The following TRPM3 variants were observed in gnomAD, a reference collection of about 807,000 sequenced individuals.
TRPM3 encodes transient receptor potential cation channel subfamily M member 3.
TRPM3 carries 77 observed loss-of-function variants against 181.2 expected under a neutral mutation model. The ratio of observed to expected loss-of-function variants is 0.42; its 90% CI spans 0.35 to 0.51. The LOEUF is 0.51. Ranked by LOEUF, TRPM3 falls within the 20% of genes least tolerant of loss-of-function variation. The pLI, the probability that TRPM3 is intolerant of heterozygous loss-of-function variation, is 0.01. For synonymous variants in TRPM3, 745 were observed against 796.4 expected, an observed-to-expected ratio of 0.94 and a Z score of 1.09; for missense variants, 1,759 against 2,196.7, an observed-to-expected ratio of 0.80 and a Z score of 3.98.
Position 70,951,972 on chromosome 9 carries a change from A to G in TRPM3, c.178-87461T>C, listed in dbSNP as rs143899542. ...ACAATAATGCAGATGAAAATGATTTAGGGGAAGAACAAGGTCAAGATGCTC... is the reference window on the plus strand; with the variant it reads ...ACAATAATGCAGATGAAAATGATTTGGGGGAAGAACAAGGTCAAGATGCTC... On this transcript the variant is annotated intron_variant, in intron 1 of 25. Transcript: ENST00000677713. Among the ~76,000 whole-genome samples, 472 of 152,300 alleles carry G rather than the reference A, an allele frequency of 3.1e-3. 3 individuals carry two copies. The highest frequency in any genetic ancestry group is 0.011 in the African/African-American group (442 of 41,574).
chr9:70,744,070 G>A (rs1034905873), intron 8 of TRPM3, among the ~76,000 whole-genome samples: 1 of 152,032 alleles, frequency 6.6e-6, no homozygotes, highest in Non-Finnish European at 1.5e-5. Context: ...AGTGGCTCAC[G>A]TAATCCCAGC....
chr9:70,772,417 A>C (rs918743382), intron 7 of TRPM3, among the ~76,000 whole-genome samples: 3 of 151,754 alleles, frequency 2.0e-5, no homozygotes, highest in African/African-American at 7.3e-5. Flanking sequence ...TCCTGGGCTC[A>C]GGTGATCCTC....
At chr9:71,382,011 A>T (rs953185968) in intron 1 of TRPM3, among the ~76,000 whole-genome samples, 1 of 152,122 alleles carries the variant, frequency 6.6e-6, no homozygotes, top group African/African-American at 2.4e-5. Context: ...GTATATGCCA[A>T]GTTAGTGTAT....
At chr9:71,442,449 A>G (rs2131679928) in intron 1 of TRPM3, among the ~76,000 whole-genome samples, 1 of 152,330 alleles carries the variant, frequency 6.6e-6, no homozygotes, top group Admixed American at 6.5e-5. Context: ...TTAAAAATAC[A>G]TACATGCTAA....
intron 1 of TRPM3, among the ~76,000 whole-genome samples, chr9:70,939,010 C>A (rs1019180862): frequency 2.6e-5 from 4 of 151,834 alleles, no homozygotes; most frequent in African/African-American, 9.7e-5. Flanking sequence ...ACATTCATTT[C>A]TTTAAAGTTC....
chr9:71,362,675 T>G (rs564301163), intron 1 of TRPM3, among the ~76,000 whole-genome samples: 8 of 152,326 alleles, frequency 5.3e-5, no homozygotes, highest in African/African-American at 1.7e-4. Context: ...CAGGTAAACC[T>G]TCTGAACATA....
chr9:70,929,109 A>C (rs1242783047), intron 1 of TRPM3, among the ~76,000 whole-genome samples: 1 of 152,190 alleles, frequency 6.6e-6, no homozygotes, highest in Non-Finnish European at 1.5e-5. Context: ...TAAATGGTGA[A>C]AAGTAGTTTC....
At chr9:71,015,079 C>A (rs1001556437) in intron 1 of TRPM3, among the ~76,000 whole-genome samples, 15 of 152,026 alleles carry the variant, frequency 9.9e-5, no homozygotes, top group African/African-American at 2.9e-4. Context: ...TTATTCTTTC[C>A]AGTTACATTT....
intron 1 of TRPM3, among the ~76,000 whole-genome samples, chr9:71,065,934 G>C (rs1050581778): frequency 6.6e-6 from 1 of 152,086 alleles, no homozygotes; most frequent in Non-Finnish European, 1.5e-5. Context: ...TAAGAGAAGA[G>C]ATCAAAAATC....
At chr9:71,110,214 T>C (rs899507269) in intron 1 of TRPM3, among the ~76,000 whole-genome samples, 1 of 152,104 alleles carries the variant, frequency 6.6e-6, no homozygotes, top group Non-Finnish European at 1.5e-5. Flanking sequence ...AATTCAAGAA[T>C]GTTAAAGGTG....
intron 8 of TRPM3, among the ~76,000 whole-genome samples, chr9:70,739,216 G>T (rs2073444799): frequency 6.6e-6 from 1 of 152,088 alleles, no homozygotes; most frequent in Non-Finnish European, 1.5e-5. Flanking sequence ...GAGCACAGAT[G>T]CAAAAATCCT....
intron 1 of TRPM3, among the ~76,000 whole-genome samples, chr9:71,216,486 G>A (rs1241253448): frequency 6.6e-6 from 1 of 152,132 alleles, no homozygotes; most frequent in African/African-American, 2.4e-5. Context: ...AAAATGTTAT[G>A]AATTTTACTT....
chr9:71,177,165 C>A (rs1318008063), intron 1 of TRPM3, among the ~76,000 whole-genome samples: 1 of 152,034 alleles, frequency 6.6e-6, no homozygotes, highest in Non-Finnish European at 1.5e-5. Context: ...GAATCTAATG[C>A]CTTGTGATCG....
At chr9:71,262,807 A>T (rs1184056030) in intron 1 of TRPM3, among the ~76,000 whole-genome samples, 2 of 151,936 alleles carry the variant, frequency 1.3e-5, no homozygotes, top group Non-Finnish European at 2.9e-5. Context: ...GGGTGAGGCA[A>T]CGCCCCAGCC....
At chr9:71,018,661 T>C (rs1188581224) in intron 1 of TRPM3, among the ~76,000 whole-genome samples, 1 of 151,850 alleles carries the variant, frequency 6.6e-6, no homozygotes, top group African/African-American at 2.4e-5. Context: ...ATTTCATCCA[T>C]AATTTAAAAT....
intron 1 of TRPM3, among the ~76,000 whole-genome samples, chr9:70,991,673 T>C (rs545761526): frequency 6.7e-6 from 1 of 149,796 alleles, no homozygotes; most frequent in Admixed American, 6.8e-5. Context: ...TAAAACAAAG[T>C]CCACCTTAAG....
At chr9:71,218,030 C>A (rs1251997803) in intron 1 of TRPM3, among the ~76,000 whole-genome samples, 5 of 152,094 alleles carry the variant, frequency 3.3e-5, no homozygotes, top group Admixed American at 2.0e-4. Context: ...TAATTTTTTC[C>A]AATAATAAGA....
intron 1 of TRPM3, among the ~76,000 whole-genome samples, chr9:71,170,953 A>T (rs998903624): frequency 6.6e-6 from 1 of 152,184 alleles, no homozygotes; most frequent in Non-Finnish European, 1.5e-5. Context: ...TGGGAGAAAC[A>T]TCGCTGAATT....
chr9:71,295,214 C>T (rs1034986972), intron 1 of TRPM3, among the ~76,000 whole-genome samples: 4 of 152,020 alleles, frequency 2.6e-5, no homozygotes, highest in African/African-American at 9.7e-5. Flanking sequence ...ATGCAAATAA[C>T]ATGAAGCTCA....
Sources: gnomAD v4.1 joint callset for allele counts (sites outside exome capture counted in the v4.1 genomes callset) on GRCh38, gnomAD v4.1.1 for gene constraint, MANE v1.5 for transcripts, NCBI Gene and HGNC (gene_info 2026-07-23, HGNC 2026-07-21) for gene names.